The following RPH3A variants were observed in gnomAD, a reference collection of about 807,000 sequenced individuals.
The protein encoded by RPH3A is rabphilin 3A, also known as rabphilin-3A.
Under a neutral mutation model 102.2 loss-of-function variants are expected in RPH3A, and 48 were observed. The ratio of observed to expected loss-of-function variants is 0.47; its 90% CI spans 0.37 to 0.60. The LOEUF is 0.60. Ranked by LOEUF, RPH3A falls within the 20% of genes least tolerant of loss-of-function variation. The pLI, the probability that RPH3A is intolerant of heterozygous loss-of-function variation, is 0.00. For missense variants in RPH3A, 781 were observed against 910.1 expected, an observed-to-expected ratio of 0.86 and a Z score of 1.83; for synonymous variants, 310 against 324.3, an observed-to-expected ratio of 0.96 and a Z score of 0.47.
intron 1 of RPH3A, among the ~76,000 whole-genome samples, chr12:112,610,123 G>A (rs776262415): frequency 1.3e-5 from 2 of 151,998 alleles, no homozygotes; most frequent in African/African-American, 4.8e-5. Flanking sequence ...CACACTGATC[G>A]CTCTGTTTCC....
intron 1 of RPH3A, among the ~76,000 whole-genome samples, chr12:112,736,132 G>A (rs1158931627): frequency 6.6e-6 from 1 of 152,068 alleles, no homozygotes; most frequent in African/African-American, 2.4e-5. Context: ...ACCTTACCAC[G>A]TTTTGGACAC....
chr12:112,773,837 T>G (rs1193912061), intron 1 of RPH3A, among the ~76,000 whole-genome samples: 2 of 151,938 alleles, frequency 1.3e-5, no homozygotes, highest in Non-Finnish European at 2.9e-5. Flanking sequence ...TCCCAGCACT[T>G]TGGGAGGCCG....
At chr12:112,846,563 C>T (rs548723872) in intron 4 of RPH3A, among the ~76,000 whole-genome samples, 2 of 152,274 alleles carry the variant, frequency 1.3e-5, no homozygotes, top group African/African-American at 4.8e-5. Context: ...TTCCAGCTTC[C>T]AATGTCAAAA....
chr12:112,663,059 G>GGTGTGTGTGTGT (rs60392620), intron 1 of RPH3A, among the ~76,000 whole-genome samples: 2,541 of 141,200 alleles, frequency 0.018, 90 homozygotes, highest in African/African-American at 0.061. Context: ...CTAAGTGATT[G>GGTGTGTGTGTGT]GTGTGTGTGT....
At chr12:112,646,984 T>G (rs1465719822) in intron 1 of RPH3A, among the ~76,000 whole-genome samples, 1 of 152,172 alleles carries the variant, frequency 6.6e-6, no homozygotes, top group East Asian at 1.9e-4. Context: ...TCTTAAAAGC[T>G]ATGGGGGTAC....
At chr12:112,708,283 T>G (rs1470604010) in intron 1 of RPH3A, among the ~76,000 whole-genome samples, 1 of 152,154 alleles carries the variant, frequency 6.6e-6, no homozygotes, top group Admixed American at 6.5e-5. Context: ...TCGTTAACCC[T>G]GTGGAGATGG....
intron 1 of RPH3A, among the ~76,000 whole-genome samples, chr12:112,715,499 A>G (rs2040507341): frequency 6.6e-6 from 1 of 152,180 alleles, no homozygotes; most frequent in African/African-American, 2.4e-5. Context: ...TATTCCTAGC[A>G]TCTACAATGG....
chr12:112,783,742 C>T (rs1487860994), intron 1 of RPH3A, among the ~76,000 whole-genome samples: 2 of 152,078 alleles, frequency 1.3e-5, no homozygotes, highest in Non-Finnish European at 2.9e-5. Context: ...AGTGACTCAC[C>T]CAAGCTCACA....
chr12:112,863,501 G>A (rs1018890260), intron 5 of RPH3A, among the ~76,000 whole-genome samples: 10 of 152,162 alleles, frequency 6.6e-5, no homozygotes, highest in African/African-American at 2.4e-4. Context: ...TGTATTTTTA[G>A]TAGAGACGGG....
chr12:112,865,635 GGT>G, intron 6 of RPH3A, 92 bp downstream of exon 6: 2 of 1,376,892 alleles, frequency 1.5e-6, no homozygotes, highest in Non-Finnish European at 9.8e-7. Context: ...GGGTCTTGGG[GGT>G]GGAGCTTGGA....
intron 1 of RPH3A, among the ~76,000 whole-genome samples, chr12:112,633,358 T>C (rs568368001): frequency 6.6e-6 from 1 of 152,344 alleles, no homozygotes; most frequent in Non-Finnish European, 1.5e-5. Flanking sequence ...TAATCCCCAG[T>C]GTGGCAGTAT....
intron 1 of RPH3A, among the ~76,000 whole-genome samples, chr12:112,622,664 C>T (rs1480729646): frequency 3.3e-5 from 5 of 151,384 alleles, no homozygotes; most frequent in Non-Finnish European, 4.4e-5. Context: ...ACTTCCCCAA[C>T]CTAGCAAGGC....
intron 1 of RPH3A, among the ~76,000 whole-genome samples, chr12:112,614,243 G>C (rs1412666510): frequency 6.6e-6 from 1 of 152,160 alleles, no homozygotes; most frequent in Non-Finnish European, 1.5e-5. Context: ...TGTCACAGCA[G>C]CAATGGGAAA....
At chr12:112,723,636 T>C (rs2040566584) in intron 1 of RPH3A, among the ~76,000 whole-genome samples, 1 of 152,206 alleles carries the variant, frequency 6.6e-6, no homozygotes, top group Non-Finnish European at 1.5e-5. Context: ...CCAAACATGA[T>C]GAAAAATCCA....
intron 2 of RPH3A, among the ~76,000 whole-genome samples, chr12:112,819,186 A>T (rs1227791121): frequency 2.0e-5 from 3 of 151,828 alleles, no homozygotes; most frequent in African/African-American, 7.3e-5. Flanking sequence ...GCTCACTGCA[A>T]CCTCCACCTC....
chr12:112,778,929 G>GCTCCA (rs1274145459), intron 1 of RPH3A, among the ~76,000 whole-genome samples: 1 of 152,152 alleles, frequency 6.6e-6, no homozygotes, highest in African/African-American at 2.4e-5. Context: ...CTGGAGTATA[G>GCTCCA]GGAGGCATCA....
At chr12:112,636,777 C>T (rs1200649526) in intron 1 of RPH3A, among the ~76,000 whole-genome samples, 1 of 152,164 alleles carries the variant, frequency 6.6e-6, no homozygotes, top group Admixed American at 6.5e-5. Flanking sequence ...TGATCACATT[C>T]TCTGAGGTAT....
chr12:112,616,976 C>T (rs2039685020), intron 1 of RPH3A, among the ~76,000 whole-genome samples: 1 of 152,192 alleles, frequency 6.6e-6, no homozygotes. Flanking sequence ...CAGATTTTGA[C>T]TCTGGGCAAG....
intron 1 of RPH3A, among the ~76,000 whole-genome samples, chr12:112,594,511 C>A (rs2039502757): frequency 6.6e-6 from 1 of 152,208 alleles, no homozygotes; most frequent in Non-Finnish European, 1.5e-5. Flanking sequence ...TCCCTCCCTC[C>A]ATTTATTCAT....
Sources: gnomAD v4.1 joint callset for allele counts (sites outside exome capture counted in the v4.1 genomes callset) on GRCh38, gnomAD v4.1.1 for gene constraint, MANE v1.5 for transcripts, NCBI Gene and HGNC (gene_info 2026-07-23, HGNC 2026-07-21) for gene names.